The following SLFN12 variants were observed in gnomAD, a reference collection of about 807,000 sequenced individuals.
SLFN12 encodes schlafen family member 12.
In SLFN12, 25 loss-of-function variants were observed where a neutral mutation model predicts 29.1. The observed-to-expected ratio is 0.86, with a 90% CI of 0.63 to 1.20. The LOEUF (loss-of-function observed/expected upper bound fraction) is 1.20. Among genes scored for constraint, SLFN12 ranks in the 50% most tolerant of loss-of-function variants. SLFN12 has a pLI of 0.00. For synonymous variants in SLFN12, 257 were observed against 238.7 expected, an observed-to-expected ratio of 1.08 and a Z score of -0.71; for missense variants, 660 against 666.2, an observed-to-expected ratio of 0.99 and a Z score of 0.10.
At chr17:35,421,632 T>C (rs1138038) in intron 2 of SLFN12, among the ~76,000 whole-genome samples, 1 of 142,110 alleles carries the variant, frequency 7.0e-6, no homozygotes, top group Non-Finnish European at 1.5e-5. Context: ...CTCCGCCACC[T>C]GGCTTCAACC....
At chr17:35,414,506 A>G (rs1911208712) in intron 3 of SLFN12, among the ~76,000 whole-genome samples, 1 of 152,072 alleles carries the variant, frequency 6.6e-6, no homozygotes, top group Non-Finnish European at 1.5e-5. Flanking sequence ...GATTGAAAAA[A>G]TCATATTTTT....
At position 35,411,613 on chromosome 17, in the gene SLFN12, T is replaced by C. The variant is rs371908711; in HGVS notation, c.1462A>G (p.Thr488Ala). Reference sequence around the variant, plus strand: ...TTTGTCATGACACACACTTTTTTAGTGTAACCACCAATTTTTGCCAGCTTC... The same window carrying C: ...TTTGTCATGACACACACTTTTTTAGCGTAACCACCAATTTTTGCCAGCTTC... ...KQKLAKIGGYTKKVCVMTKIF... is the reference protein window; with the variant it reads ...KQKLAKIGGYAKKVCVMTKIF... The change falls in exon 4 of 4, where the codon ACT (threonine) becomes GCT (alanine). Residue 488 changes from threonine (T) to alanine (A), a missense_variant. Physicochemically the swap from Thr to Ala is moderately conservative, Grantham distance 58. Transcript: ENST00000304905. 2.5e-6 allele frequency: 4 copies of C among 1,613,992 alleles called. No individual in the cohort carries two copies. Among genetic ancestry groups the C allele is most frequent in the Admixed American group, 1.7e-5 (1 of 59,994 alleles).
chr17:35,424,260 T>A (rs1911873875), intron 1 of SLFN12, among the ~76,000 whole-genome samples: 1 of 152,158 alleles, frequency 6.6e-6, no homozygotes, highest in Non-Finnish European at 1.5e-5. Context: ...GTGTAACTTT[T>A]AAGTTAAGAA....
intron 2 of SLFN12, among the ~76,000 whole-genome samples, chr17:35,421,685 A>G (rs773992928): frequency 5.3e-5 from 8 of 151,760 alleles, no homozygotes; most frequent in Non-Finnish European, 1.0e-4. Flanking sequence ...GACTACAGGC[A>G]CGTGCCATCA....
rs778607281 is a variant in SLFN12 at position 35,422,092 on chromosome 17, C to A, written c.937G>T (p.Ala313Ser). The A allele has an allele frequency of 3.7e-6, 6 of 1,614,114 alleles. No homozygotes were observed. In the South Asian group the frequency reaches 4.4e-5, roughly 12 times the overall value. The change falls in exon 2 of 4, where the codon GCA becomes TCA. Residue 313 changes from alanine to serine, a missense_variant. Transcript: ENST00000304905. ...GAATCAGGCTCTTTAGCAAACACTG[C>A]ACAGCAGAAGCGCTCCACTCTGAGT... ...CALRVERFCC[A>S]VFAKEPDSWH...
chr17:35,416,763 C>A (rs185420153), intron 3 of SLFN12, among the ~76,000 whole-genome samples: 2 of 152,136 alleles, frequency 1.3e-5, no homozygotes, highest in Admixed American at 6.5e-5. Context: ...TATTAAAAAA[C>A]CAGAAATATG....
chr17:35,415,230 A>C (rs541683739), intron 3 of SLFN12, among the ~76,000 whole-genome samples: 12 of 152,086 alleles, frequency 7.9e-5, no homozygotes, highest in Non-Finnish European at 1.3e-4. Context: ...GTTCAATTGG[A>C]TCTTCAACAA....
chr17:35,413,441 C>G (rs759227399), intron 3 of SLFN12, among the ~76,000 whole-genome samples: 6 of 152,018 alleles, frequency 3.9e-5, no homozygotes, highest in Non-Finnish European at 7.4e-5. Flanking sequence ...AAACCAAATT[C>G]AACAGCACAT....
chr17:35,411,337 A>G lies in SLFN12; in HGVS notation c.*1T>C. The G allele has an allele frequency of 6.6e-7, 1 of 1,518,680 alleles. No homozygotes were observed. Among genetic ancestry groups the G allele is most frequent in the South Asian group, 1.3e-5 (1 of 76,582 alleles). The allele number at this position is 1,518,680 out of a possible 1,614,324, so 94.1% of individuals were successfully genotyped here. On this transcript the variant is annotated 3_prime_UTR_variant, in exon 4 of 4. Transcript: ENST00000304905. ...ATCTCAGTAGCCCAGTCCATTTTCC[A>G]TCAGGTGAGCCTTCGACAAGATTTA... is the stretch of plus-strand genomic sequence containing the variant.
intron 3 of SLFN12, among the ~76,000 whole-genome samples, chr17:35,417,675 A>C (rs1321954632): frequency 1.3e-5 from 2 of 152,130 alleles, no homozygotes; most frequent in East Asian, 3.8e-4. Context: ...GAAAGATTGG[A>C]AAGGAAAAGA....
intron 1 of SLFN12, among the ~76,000 whole-genome samples, chr17:35,429,972 A>G (rs560281685): frequency 3.3e-5 from 5 of 152,112 alleles, no homozygotes; most frequent in African/African-American, 9.6e-5. Flanking sequence ...TGGCCTGACC[A>G]TAGAGCACTC....
chr17:35,427,223 C>T (rs541132223), intron 1 of SLFN12, among the ~76,000 whole-genome samples: 1 of 152,232 alleles, frequency 6.6e-6, no homozygotes, highest in South Asian at 2.1e-4. Flanking sequence ...ATGAAATTTC[C>T]TACAGTTTTG....
At chr17:35,431,327 A>G (rs980923154) in intron 1 of SLFN12, among the ~76,000 whole-genome samples, 1 of 152,150 alleles carries the variant, frequency 6.6e-6, no homozygotes, top group African/African-American at 2.4e-5. Context: ...ACAGCACCAA[A>G]GGAGAACATC....
Position 35,411,508 on chromosome 17 carries a change from A to G in SLFN12, c.1567T>C (p.Tyr523His). ...AGCAAGTATTTCCTTCTTGTAAAATAGTAGGATTCAGGGTAAATTACTTGC... is the reference window on the plus strand; with the variant it reads ...AGCAAGTATTTCCTTCTTGTAAAATGGTAGGATTCAGGGTAAATTACTTGC... ...RSQVIYPESY[Y>H]FTRRKYLLKA... Residue 523 changes from tyrosine (Y) to histidine (H), a missense_variant, in exon 4 of 4, where the codon TAT becomes CAT. Transcript: ENST00000304905. 1 of 1,614,062 alleles carries G rather than the reference A, an allele frequency of 6.2e-7. No homozygotes were observed. Among genetic ancestry groups the G allele is most frequent in the African/African-American group, 1.3e-5 (1 of 75,050 alleles).
chr17:35,416,848 G>A (rs994646436), intron 3 of SLFN12, among the ~76,000 whole-genome samples: 3 of 152,098 alleles, frequency 2.0e-5, no homozygotes, highest in Admixed American at 1.3e-4. Flanking sequence ...GAGCCCAAGA[G>A]CTTGAAGCTG....
intron 3 of SLFN12, among the ~76,000 whole-genome samples, chr17:35,413,574 C>A (rs907309466): frequency 1.3e-5 from 2 of 151,550 alleles, no homozygotes; most frequent in African/African-American, 4.8e-5. Flanking sequence ...ATGGTGACAC[C>A]CCGTCTCTAC....
At chr17:35,427,407 C>T (rs574700452) in intron 1 of SLFN12, among the ~76,000 whole-genome samples, 19 of 152,156 alleles carry the variant, frequency 1.2e-4, no homozygotes, top group African/African-American at 1.7e-4. Flanking sequence ...AAACGCAATT[C>T]GATAATATTT....
chr17:35,427,262 A>G (rs577772180), intron 1 of SLFN12, among the ~76,000 whole-genome samples: 2 of 152,242 alleles, frequency 1.3e-5, no homozygotes, highest in South Asian at 4.1e-4. Context: ...TTGGGCATTC[A>G]TTTAGTTGCA....
Position 35,411,499 on chromosome 17 carries a change from T to C in SLFN12, c.1576A>G (p.Arg526Gly). 1 of 1,614,056 alleles carries C rather than the reference T, an allele frequency of 6.2e-7. No homozygotes were observed. The highest frequency in any genetic ancestry group is 8.5e-7 in the Non-Finnish European group (1 of 1,179,986). ...AGGGCTTTCAGCAAGTATTTCCTTC[T>C]TGTAAAATAGTAGGATTCAGGGTAA... ...VIYPESYYFTRRKYLLKALFK... is the reference protein window; with the variant it reads ...VIYPESYYFTGRKYLLKALFK... The change falls in exon 4 of 4, where the codon AGA becomes GGA. Residue 526 changes from arginine to glycine, a missense_variant. By Grantham distance (125) the Arg-to-Gly change is moderately radical. Coordinates refer to ENST00000304905, the MANE Select transcript of SLFN12 (RefSeq NM_018042.5).
Sources: allele counts gnomAD v4.1 joint callset (sites outside exome capture counted in the v4.1 genomes callset), GRCh38; gene constraint gnomAD v4.1.1; transcripts MANE v1.5; gene names NCBI Gene and HGNC (gene_info 2026-07-23, HGNC 2026-07-21).